Variants in PTPRB observed in about 807,000 individuals in gnomAD.
PTPRB encodes receptor-type tyrosine-protein phosphatase beta.
Under a neutral mutation model 238.1 loss-of-function variants are expected in PTPRB, and 97 were observed. The observed-to-expected ratio is 0.41, with a 90% CI of 0.35 to 0.48. PTPRB has a LOEUF of 0.48. Ranked by LOEUF, PTPRB falls within the 20% of genes least tolerant of loss-of-function variation. PTPRB has a pLI of 0.30. For missense variants in PTPRB, 2,292 were observed against 2,681.9 expected, an observed-to-expected ratio of 0.85 and a Z score of 3.21; for synonymous variants, 970 against 995.4, an observed-to-expected ratio of 0.97 and a Z score of 0.48.
chr12:70,530,856 A>C (rs1873129386), intron 32 of PTPRB, among the ~76,000 whole-genome samples: 1 of 152,172 alleles, frequency 6.6e-6, no homozygotes, highest in Non-Finnish European at 1.5e-5. Context: ...CCAGGATTAC[A>C]GGCATGAGCC....
chr12:70,602,195 G>T (rs1343038979), intron 4 of PTPRB, among the ~76,000 whole-genome samples: 1 of 152,096 alleles, frequency 6.6e-6, no homozygotes, highest in Non-Finnish European at 1.5e-5. Context: ...AATACATCAG[G>T]TTGCTGTGCA....
At chr12:70,633,477 A>G (rs930233290) in intron 2 of PTPRB, among the ~76,000 whole-genome samples, 1 of 152,136 alleles carries the variant, frequency 6.6e-6, no homozygotes, top group East Asian at 1.9e-4. Context: ...AAACAAAAAG[A>G]AAAAACCCCA....
chr12:70,604,118 G>A (rs980392521), intron 4 of PTPRB, among the ~76,000 whole-genome samples: 1 of 152,102 alleles, frequency 6.6e-6, no homozygotes, highest in African/African-American at 2.4e-5. Flanking sequence ...TTGGGTACCT[G>A]TAGTCCCAGC....
At chr12:70,531,895 AAT>A in intron 32 of PTPRB, 138 bp downstream of exon 32, 1 of 957,678 alleles carries the variant, frequency 1.0e-6, no homozygotes, top group Non-Finnish European at 1.6e-6. Flanking sequence ...AGTCTTAGAA[AAT>A]ATCTACATGC....
At position 70,538,197 on chromosome 12, in the gene PTPRB, A is replaced by G. The variant is rs747594403; in HGVS notation, c.5904T>C (p.Asp1968=). The G allele has an allele frequency of 1.7e-5, 28 of 1,613,746 alleles. No individual in the cohort carries two copies. The highest frequency in any genetic ancestry group is 4.4e-5 in the South Asian group (4 of 91,078). Residue 1968 remains aspartate, a synonymous_variant, in exon 28 of 34, where the codon GAT becomes GAC. Coordinates refer to ENST00000334414, the MANE Select transcript of PTPRB (RefSeq NM_001109754.4). The stretch of plus-strand genomic sequence containing the variant: ...TGATGTAGTCAGAGCAAGGATCATC[A>G]TCTACATTGGAGAGCTTCACTCGCG... The part of the protein sequence containing the change: ...DATRVKLSNV[D]DDPCSDYINA...
intron 22 of PTPRB, chr12:70,542,993 T>C (rs1875417802): frequency 6.6e-6 from 1 of 152,064 alleles, no homozygotes. Context: ...TTATATGCTA[T>C]TCAGCCCTTA....
chr12:70,553,163 C>T (rs916372035), intron 20 of PTPRB, 143 bp from the exon 21 acceptor site: 11 of 1,054,076 alleles, frequency 1.0e-5, no homozygotes, highest in Admixed American at 2.4e-5. Context: ...TCTCAAAGAA[C>T]GATGTGAAAT....
rs762144464 is a variant in PTPRB, at chr12:70,571,063, C to T, written c.3333G>A (p.Gly1111=). 5 of 1,613,974 alleles carry T rather than the reference C, an allele frequency of 3.1e-6. No individual in the cohort carries two copies. The highest frequency in any genetic ancestry group is 4.2e-6 in the Non-Finnish European group (5 of 1,179,886). ...QYKILVLTIS[G]DVQQSAFIEG... is the part of the protein sequence containing the mutation. The stretch of plus-strand genomic sequence containing the variant: ...CAATGAAGGCTGACTGCTGTACATC[C>T]CCGCTAATCGTCAAGACAAGAATTT... Residue 1111 remains glycine (G), a synonymous_variant, in exon 13 of 34, where the codon GGG becomes GGA. Transcript: ENST00000334414.
At chr12:70,622,313 T>G in intron 3 of PTPRB, 77 bp downstream of exon 3, 2 of 1,557,662 alleles carry the variant, frequency 1.3e-6, no homozygotes, top group Non-Finnish European at 1.7e-6. Flanking sequence ...GTGGCATTTT[T>G]AGCAAAGCAA....
intron 22 of PTPRB, chr12:70,541,604 T>C (rs1439609843): frequency 1.3e-5 from 2 of 152,262 alleles, no homozygotes; most frequent in Admixed American, 1.3e-4. Context: ...GCGTACCTAT[T>C]AGCAGTCAGT....
chr12:70,553,171 A>G (rs1204789408), intron 20 of PTPRB, among the ~76,000 whole-genome samples, 151 bp from the exon 21 acceptor site: 1 of 152,200 alleles, frequency 6.6e-6, no homozygotes, highest in Non-Finnish European at 1.5e-5. Flanking sequence ...AACGATGTGA[A>G]ATTCTCCTAA....
At chr12:70,596,974 G>A (rs978730469) in intron 4 of PTPRB, among the ~76,000 whole-genome samples, 10 of 151,444 alleles carry the variant, frequency 6.6e-5, no homozygotes, top group African/African-American at 2.4e-4. Flanking sequence ...CTGGAGTGCA[G>A]TGGCGTGATC....
chr12:70,610,263 C>G (rs1383981455), intron 3 of PTPRB, among the ~76,000 whole-genome samples: 1 of 152,180 alleles, frequency 6.6e-6, no homozygotes, highest in Non-Finnish European at 1.5e-5. Context: ...GCCAGGGGTC[C>G]GGTCCGGCTC....
chr12:70,636,435 G>A (rs966763597), intron 1 of PTPRB, among the ~76,000 whole-genome samples: 7 of 151,974 alleles, frequency 4.6e-5, no homozygotes, highest in African/African-American at 1.5e-4. Context: ...GTTATGAAAT[G>A]CTCAGCTCCC....
intron 7 of PTPRB, among the ~76,000 whole-genome samples, 165 bp from the exon 8 acceptor site, chr12:70,590,398 GGAGACATTT>G (rs2136458270): frequency 6.6e-6 from 1 of 152,046 alleles, no homozygotes; most frequent in East Asian, 1.9e-4. Context: ...TCTTTATTTC[GGAGACATTT>G]GACACACAAG....
intron 9 of PTPRB, 83 bp from the exon 10 acceptor site, chr12:70,581,385 C>T: frequency 1.4e-6 from 2 of 1,389,756 alleles, no homozygotes; most frequent in East Asian, 4.7e-5. Context: ...AAAATGGAGA[C>T]AGACTTGAAA....
At chr12:70,559,228 C>A in intron 18 of PTPRB, 115 bp downstream of exon 18, 1 of 1,156,220 alleles carries the variant, frequency 8.6e-7, no homozygotes. Context: ...GAATTCAAAT[C>A]CAGACCAATC....
At chr12:70,618,645 G>T (rs1230396287) in intron 3 of PTPRB, among the ~76,000 whole-genome samples, 3 of 152,112 alleles carry the variant, frequency 2.0e-5, no homozygotes, top group African/African-American at 7.2e-5. Flanking sequence ...TGGGACTAGG[G>T]TCCATACTTG....
At chr12:70,569,278 A>G (rs2034010) in intron 14 of PTPRB, among the ~76,000 whole-genome samples, 35,432 of 151,630 alleles carry the variant, frequency 0.23, 4,877 homozygotes, top group African/African-American at 0.38. Context: ...AATTTTTTGT[A>G]TTTTTAGTAG....
Sources: allele counts gnomAD v4.1 joint callset (sites outside exome capture counted in the v4.1 genomes callset), GRCh38; gene constraint gnomAD v4.1.1; transcripts MANE v1.5; gene names NCBI Gene and HGNC (gene_info 2026-07-23, HGNC 2026-07-21).